TWIST2: variants seen among roughly 807,000 people sequenced by gnomAD.
The protein encoded by TWIST2 is twist family bHLH transcription factor 2.
A neutral mutation model predicts 11.6 loss-of-function variants in TWIST2; 1 was observed. The ratio of observed to expected loss-of-function variants is 0.09; its 90% CI spans 0.03 to 0.41. TWIST2 has a LOEUF of 0.41. TWIST2 is among the 10% of genes least tolerant of loss of function. The probability of loss-of-function intolerance (pLI) is 0.98; values close to 1 mark genes in which losing one functional copy is unlikely to be tolerated. For missense variants in TWIST2, 168 were observed against 226.4 expected (o/e 0.74, Z 1.66); for synonymous variants, 87 against 96.6 (o/e 0.90, Z 0.58).
chr2:238,882,622 G>A (rs1692957851), intron 1 of TWIST2, among the ~76,000 whole-genome samples: 1 of 152,186 alleles, frequency 6.6e-6, no homozygotes, highest in East Asian at 1.9e-4. Flanking sequence ...GCTTGCCTTG[G>A]TGCCCTGCCT....
At chr2:238,907,165 C>T (rs1693367541) in intron 1 of TWIST2, among the ~76,000 whole-genome samples, 2 of 152,160 alleles carry the variant, frequency 1.3e-5, no homozygotes, top group Admixed American at 1.3e-4. Context: ...AGGCGCGGCG[C>T]GGGGCCCACC....
rs1693367999 is a variant in TWIST2 at position 238,907,211 on chromosome 2, A to G, written c.*36-2631A>G. On this transcript the variant is annotated intron_variant, in intron 1 of 1. Coordinates refer to ENST00000612363, the MANE Select transcript of TWIST2 (RefSeq NM_001271893.4). ...ACACTCCCGACCAGGTGCTGATGCC[A>G]GTGGCGTGTCCCCTGCCCTGTGGGC... Among the ~76,000 whole-genome samples, 6 of 152,302 alleles carry G rather than the reference A, an allele frequency of 3.9e-5. No individual in the cohort carries two copies. In the South Asian group the frequency reaches 1.2e-3, roughly 32 times the overall value.
chr2:238,870,590 A>C (rs1692662066), intron 1 of TWIST2, among the ~76,000 whole-genome samples: 1 of 89,326 alleles, frequency 1.1e-5, no homozygotes, highest in Non-Finnish European at 2.2e-5. Flanking sequence ...CACACACACC[A>C]CACACCCCAC....
rs1692163451 is a variant in TWIST2, at chr2:238,848,090, A to G, written c.-126A>G. 8.9e-6 allele frequency: 7 copies of G among 786,228 alleles called. No individual in the cohort carries two copies. The highest frequency in any genetic ancestry group is 1.1e-5 in the Non-Finnish European group (7 of 614,038). 48.7% of individuals were successfully genotyped at this position (786,228 alleles called of 1,614,324 possible). ...CTCCCGGAGACCTCGGTTTTGCACA[A>G]GCCGGCCTTGAAATCAGAGCCTTTC... On this transcript the variant is annotated 5_prime_UTR_variant, in exon 1 of 2. Coordinates refer to ENST00000612363, the MANE Select transcript of TWIST2 (RefSeq NM_001271893.4).
chr2:238,868,722 C>T lies in TWIST2; in HGVS notation c.*35+19989C>T, dbSNP rs1381503442. On this transcript the variant is annotated intron_variant, in intron 1 of 1. Coordinates refer to ENST00000612363, the MANE Select transcript of TWIST2 (RefSeq NM_001271893.4). Reference sequence around the variant, plus strand: ...ACCATGACCAGTATCCTCTGTTGCCCACACACTCGGGCATTGTTGGCTGGG... The same window carrying T: ...ACCATGACCAGTATCCTCTGTTGCCTACACACTCGGGCATTGTTGGCTGGG... Among the ~76,000 whole-genome samples, 5 of 152,336 alleles carry T rather than the reference C, an allele frequency of 3.3e-5. No homozygotes were observed. In the South Asian group the frequency reaches 8.3e-4, roughly 25 times the overall value.
intron 1 of TWIST2, among the ~76,000 whole-genome samples, chr2:238,904,710 T>TTTCAACAAC (rs1693320714): frequency 6.6e-6 from 1 of 152,100 alleles, no homozygotes; most frequent in Non-Finnish European, 1.5e-5. Flanking sequence ...ATCTCAGCTT[T>TTTCAACAAC]TTCAACAACT....
In TWIST2 at chr2:238,871,413, ACAC is replaced by A. The variant is rs1692696884; in HGVS notation, c.*35+22684_*35+22686del. On this transcript the variant is annotated intron_variant, in intron 1 of 1. Transcript: ENST00000612363. ...CATGCACACACCACACACCCCACAC[ACAC>A]CACAACCCCACACGCCACACACACA... 3.2e-5 allele frequency among the ~76,000 whole-genome samples: 2 copies of A among 63,248 alleles called. 1 individual carries two copies. Among genetic ancestry groups the A allele is most frequent in the African/African-American group, 1.3e-4 (2 of 15,742 alleles). 41.5% of individuals were successfully genotyped at this position (63,248 alleles called of 152,430 possible). A position where few individuals can be genotyped will look rare whatever the true frequency, so the allele number is the denominator to read the frequency against.
intron 1 of TWIST2, among the ~76,000 whole-genome samples, chr2:238,860,304 C>T (rs140091823): frequency 0.54 from 82,800 of 152,068 alleles, 25,919 homozygotes; most frequent in Non-Finnish European, 0.72. Context: ...TGTTTTCCTT[C>T]GGTTGCTCAT....
chr2:238,905,910 TGTGC>T, intron 1 of TWIST2, among the ~76,000 whole-genome samples: 1 of 51,844 alleles, frequency 1.9e-5, no homozygotes, highest in East Asian at 3.7e-4. Context: ...TGTGCGTGTG[TGTGC>T]GTGCAGGTGT....
Position 238,864,596 on chromosome 2 carries a change from C to T in TWIST2, c.*35+15863C>T, listed in dbSNP as rs766599430. 5.9e-5 allele frequency among the ~76,000 whole-genome samples: 9 copies of T among 152,166 alleles called. No individual in the cohort carries two copies. The highest frequency in any genetic ancestry group is 8.8e-5 in the Non-Finnish European group (6 of 68,016). On this transcript the variant is annotated intron_variant, in intron 1 of 1. Transcript: ENST00000612363. This position sits in a 1 kb window ranked among gnomAD's most constrained non-coding sequence, Gnocchi z 4.7. ...AGAACTAAGGGCACCAGGCAGCCCA[C>T]CCGGCCCGGCCAAGACCAGCAGGAC...
intron 1 of TWIST2, among the ~76,000 whole-genome samples, chr2:238,865,425 C>T (rs966982764): frequency 2.0e-5 from 3 of 152,326 alleles, no homozygotes; most frequent in East Asian, 3.9e-4. Context: ...TGTTGGCGTT[C>T]CTACACCCCT....
At position 238,863,075 on chromosome 2, in the gene TWIST2, G is replaced by A. The variant is rs1230059834; in HGVS notation, c.*35+14342G>A. 2.7e-5 allele frequency among the ~76,000 whole-genome samples: 4 copies of A among 150,740 alleles called. No homozygotes were observed. In the East Asian group the frequency reaches 7.7e-4, roughly 29 times the overall value. On this transcript the variant is annotated intron_variant, in intron 1 of 1. Coordinates refer to ENST00000612363, the MANE Select transcript of TWIST2 (RefSeq NM_001271893.4). This position sits in a 1 kb window ranked among gnomAD's most constrained non-coding sequence, Gnocchi z 4.7. ...TTTAATTTCTAGATTTTCTACAGAT[G>A]CCCTGTATTACTTCTGCAATTTGAG...
rs1692497333 is a variant in TWIST2 at position 238,864,544 on chromosome 2, C to A, written c.*35+15811C>A. On this transcript the variant is annotated intron_variant, in intron 1 of 1. Transcript: ENST00000612363. The surrounding 1 kb of genome is among the most constrained non-coding windows in gnomAD (Gnocchi z 4.7). The stretch of plus-strand genomic sequence containing the variant: ...GTTCCAAGGCGCGCCCCACCCGGCC[C>A]CCAGGCCAGGTCAGCCTGGGGAGGG... Among the ~76,000 whole-genome samples, 1 of 151,992 alleles carries A rather than the reference C, an allele frequency of 6.6e-6. No individual in the cohort carries two copies.
intron 1 of TWIST2, among the ~76,000 whole-genome samples, chr2:238,873,510 T>C (rs1037801737): frequency 2.6e-5 from 4 of 152,072 alleles, no homozygotes; most frequent in Admixed American, 2.6e-4. Flanking sequence ...GGCAGGGGGA[T>C]GGCTTCAGAG....
chr2:238,888,736 C>T (rs759344179), intron 1 of TWIST2, among the ~76,000 whole-genome samples: 44 of 152,172 alleles, frequency 2.9e-4, no homozygotes, highest in Non-Finnish European at 4.4e-4. Context: ...TGCATAATAA[C>T]GGCGAAGTCC....
intron 1 of TWIST2, among the ~76,000 whole-genome samples, chr2:238,901,620 G>T (rs1403896551): frequency 6.6e-6 from 1 of 152,164 alleles, no homozygotes; most frequent in African/African-American, 2.4e-5. Flanking sequence ...CACTGACCAC[G>T]CTGAGCGGTT....
In TWIST2 at chr2:238,859,675, C is replaced by T. The variant is rs138140557; in HGVS notation, c.*35+10942C>T. On this transcript the variant is annotated intron_variant, in intron 1 of 1. Coordinates refer to ENST00000612363, the MANE Select transcript of TWIST2 (RefSeq NM_001271893.4). Reference sequence around the variant, plus strand: ...TAAGGGGCTAAGCGTTCACCCATCCCTCACTTTTCAGAGATGTTATCCAGT... The same window carrying T: ...TAAGGGGCTAAGCGTTCACCCATCCTTCACTTTTCAGAGATGTTATCCAGT... 2.6e-3 allele frequency among the ~76,000 whole-genome samples: 397 copies of T among 152,260 alleles called. 1 individual carries two copies. Among genetic ancestry groups the T allele is most frequent in the African/African-American group, 8.3e-3 (346 of 41,544 alleles).
intron 1 of TWIST2, among the ~76,000 whole-genome samples, chr2:238,899,366 T>C (rs1693242914): frequency 6.6e-6 from 1 of 152,268 alleles, no homozygotes; most frequent in Admixed American, 6.5e-5. Flanking sequence ...GTGTTGCCCA[T>C]AGACCAGGCA....
At chr2:238,862,811 T>G (rs1016817434) in intron 1 of TWIST2, among the ~76,000 whole-genome samples, 1 of 152,214 alleles carries the variant, frequency 6.6e-6, no homozygotes, top group Non-Finnish European at 1.5e-5. Flanking sequence ...TGGGATAAAC[T>G]CTGCTTGGTC....
Sources: gnomAD v4.1 joint callset for allele counts (sites outside exome capture counted in the v4.1 genomes callset) on GRCh38, gnomAD v4.1.1 for gene constraint, Gnocchi (gnomAD v3.1) non-coding constraint, MANE v1.5 for transcripts, NCBI Gene and HGNC (gene_info 2026-07-23, HGNC 2026-07-21) for gene names.